CTNNAL1: variants seen among roughly 807,000 people sequenced by gnomAD.
CTNNAL1 encodes alpha-catulin.
CTNNAL1 carries 69 observed loss-of-function variants against 93.6 expected under a neutral mutation model. The ratio of observed to expected loss-of-function variants is 0.74; its 90% confidence interval spans 0.61 to 0.90. CTNNAL1 has a LOEUF of 0.90. CTNNAL1 is among the 40% of genes least tolerant of loss of function. CTNNAL1 has a pLI of 0.00. For missense variants in CTNNAL1, 836 were observed against 862.0 expected (o/e 0.97, Z 0.38); for synonymous variants, 286 against 305.4 (o/e 0.94, Z 0.66).
At chr9:109,010,158 G>A (rs1460565450) in intron 1 of CTNNAL1, among the ~76,000 whole-genome samples, 2 of 152,168 alleles carry the variant, frequency 1.3e-5, no homozygotes, top group Admixed American at 6.5e-5. Context: ...CTGAATAGCT[G>A]AGACTAGAGT....
chr9:108,972,865 A>ATG, intron 8 of CTNNAL1, 32 bp from the exon 9 acceptor site: 13 of 219,276 alleles, frequency 5.9e-5, no homozygotes, highest in Non-Finnish European at 7.4e-5. Flanking sequence ...GGGGGGTGGG[A>ATG]GGGTGGAGAA....
At chr9:108,943,151 G>T in intron 17 of CTNNAL1, 107 bp from the exon 18 acceptor site, 1 of 1,043,610 alleles carries the variant, frequency 9.6e-7, no homozygotes, top group South Asian at 1.7e-5. Flanking sequence ...GGAAATCTAA[G>T]GGATCTTGAA....
intron 4 of CTNNAL1, among the ~76,000 whole-genome samples, chr9:108,989,480 T>C (rs558456781): frequency 5.9e-5 from 9 of 152,254 alleles, no homozygotes; most frequent in Admixed American, 3.3e-4. Context: ...TACAAACCAA[T>C]GCCATTATTT....
Position 108,952,374 on chromosome 9 carries a change from G to C in CTNNAL1, c.1681-11C>G. 6.2e-7 allele frequency: 1 copy of C among 1,614,154 alleles called. No individual in the cohort carries two copies. Among genetic ancestry groups the C allele is most frequent in the Admixed American group, 1.7e-5 (1 of 60,010 alleles). On this transcript the variant is annotated splice_polypyrimidine_tract_variant and intron_variant, in intron 13 of 18. Coordinates refer to ENST00000325551, the MANE Select transcript of CTNNAL1 (RefSeq NM_003798.4). ...TATCTTGGCTTGCTCCTATGAAACA[G>C]ACGTTTTAATCACAACGACTTTATC...
rs1333059558 is a variant in CTNNAL1 at position 108,983,287 on chromosome 9, G to C, written c.758C>G (p.Ser253Ter). 1 of 1,558,436 alleles carries C rather than the reference G, an allele frequency of 6.4e-7. No individual in the cohort carries two copies. Among genetic ancestry groups the C allele is most frequent in the African/African-American group, 1.4e-5 (1 of 72,246 alleles). The change falls in exon 6 of 19, where the codon TCA becomes TGA. Residue 253 changes from serine to a stop codon, truncating the protein, a stop_gained. Coordinates refer to ENST00000325551, the MANE Select transcript of CTNNAL1 (RefSeq NM_003798.4). LOFTEE classifies it high-confidence loss of function. ...TACTCCTTCTTTGTTTTTATGGGCT[G>C]ATTCGCAGTTAGGATGCCTCAGACA... ...KTCLRHPNCE[S>*]AHKNKEGVFD...
chr9:108,945,546 T>G lies in CTNNAL1; in HGVS notation c.1885-1528A>C, dbSNP rs542413526. Among the ~76,000 whole-genome samples the G allele has an allele frequency of 6.8e-4, 103 of 151,660 alleles. 3 individuals are homozygous for G. The South Asian group carries it at 0.021, about 31-fold the overall frequency. On this transcript the variant is annotated intron_variant, in intron 15 of 18. Transcript: ENST00000325551. ...GTGTGATCACAGCTCACTACAGCCT[T>G]GACCTCCCAGGCTCAAGCGATCCTC...
At chr9:108,972,649 A>G (rs747362010) in intron 9 of CTNNAL1, 26 bp downstream of exon 9, 1 of 1,585,430 alleles carries the variant, frequency 6.3e-7, no homozygotes, top group South Asian at 1.1e-5. Context: ...TTAAACTACA[A>G]TTTCTTTAGC....
intron 1 of CTNNAL1, 92 bp from the exon 2 acceptor site, chr9:108,999,348 T>C: frequency 1.6e-6 from 2 of 1,245,810 alleles, no homozygotes; most frequent in Non-Finnish European, 2.2e-6. Context: ...CCTGGCATAC[T>C]GTATAGCTCA....
intron 11 of CTNNAL1, among the ~76,000 whole-genome samples, chr9:108,956,134 G>A (rs893497818): frequency 7.9e-5 from 12 of 152,170 alleles, no homozygotes; most frequent in Non-Finnish European, 2.9e-5. Flanking sequence ...TTCACAGAGT[G>A]CTCCTTTTAC....
rs142466437 is a variant in CTNNAL1, at chr9:108,979,399, C to T, written c.983G>A (p.Arg328His). 290 of 1,614,092 alleles carry T rather than the reference C, an allele frequency of 1.8e-4. No homozygotes were observed. The East Asian group carries it at 3.1e-3, about 17-fold the overall frequency. The change falls in exon 7 of 19, where the codon CGT becomes CAT. Residue 328 changes from arginine to histidine, a missense_variant. Arg to His is a conservative substitution (Grantham distance 29). Coordinates refer to ENST00000325551, the MANE Select transcript of CTNNAL1 (RefSeq NM_003798.4). ...GGCAGAATCAGTAAAGTCCTCCATACGCTCCAAGATGACTTCCAATGTCAC... is the reference window on the plus strand; with the variant it reads ...GGCAGAATCAGTAAAGTCCTCCATATGCTCCAAGATGACTTCCAATGTCAC... ...LSVTLEVILERMEDFTDSAYT... is the reference protein window; with the variant it reads ...LSVTLEVILEHMEDFTDSAYT...
At chr9:108,961,736 A>T (rs537369629) in intron 11 of CTNNAL1, among the ~76,000 whole-genome samples, 1 of 152,356 alleles carries the variant, frequency 6.6e-6, no homozygotes, top group South Asian at 2.1e-4. Flanking sequence ...ATCCATTGAA[A>T]TAAAGAAACA....
At chr9:109,012,204 T>C (rs185755776) in intron 1 of CTNNAL1, among the ~76,000 whole-genome samples, 1 of 151,102 alleles carries the variant, frequency 6.6e-6, no homozygotes, top group African/African-American at 2.5e-5. Flanking sequence ...TTTTCAAATA[T>C]GCGCAGGGCT....
In CTNNAL1 at chr9:108,958,047, T is replaced by C. The variant is rs867512659; in HGVS notation, c.1592-2220A>G. On this transcript the variant is annotated intron_variant, in intron 11 of 18. Coordinates refer to ENST00000325551, the MANE Select transcript of CTNNAL1 (RefSeq NM_003798.4). ...TTTTGTTTTGTTTCAGCCTGGGTGA[T>C]AGAGCAAGACTGTCTCAAAAAAAAA... Among the ~76,000 whole-genome samples, 33 of 80,296 alleles carry C rather than the reference T, an allele frequency of 4.1e-4. No homozygotes were observed. The Middle Eastern group carries it at 0.042, about 101-fold the overall frequency. 52.7% of individuals were successfully genotyped at this position (80,296 alleles called of 152,430 possible).
intron 1 of CTNNAL1, among the ~76,000 whole-genome samples, chr9:109,004,432 T>A (rs894376347): frequency 6.6e-6 from 1 of 152,210 alleles, no homozygotes; most frequent in South Asian, 2.1e-4. Flanking sequence ...CCAGATATTC[T>A]GACTGCAGAG....
At chr9:108,984,232 A>C in intron 5 of CTNNAL1, 115 bp downstream of exon 5, 1 of 643,756 alleles carries the variant, frequency 1.6e-6, no homozygotes, top group South Asian at 2.0e-5. Flanking sequence ...ATTCAGGCCT[A>C]TGTTCTAAGT....
intron 11 of CTNNAL1, among the ~76,000 whole-genome samples, chr9:108,963,756 G>A (rs1830879933): frequency 6.6e-6 from 1 of 152,214 alleles, no homozygotes; most frequent in African/African-American, 2.4e-5. Flanking sequence ...GGCCTTTAAA[G>A]AGAGCCAGCC....
At chr9:108,984,224 T>C in intron 5 of CTNNAL1, 123 bp downstream of exon 5, 1 of 607,994 alleles carries the variant, frequency 1.6e-6, no homozygotes, top group Non-Finnish European at 2.9e-6. Context: ...ATTTAACTAT[T>C]CAGGCCTATG....
intron 2 of CTNNAL1, among the ~76,000 whole-genome samples, chr9:108,995,190 GA>G (rs1349254500): frequency 3.3e-5 from 5 of 152,202 alleles, no homozygotes; most frequent in Non-Finnish European, 7.3e-5. Context: ...GCAAAGAACA[GA>G]GAACAAAAGT....
At chr9:108,989,002 G>C (rs1831700076) in intron 4 of CTNNAL1, among the ~76,000 whole-genome samples, 1 of 152,144 alleles carries the variant, frequency 6.6e-6, no homozygotes. Flanking sequence ...ATGATAAAAA[G>C]GCTGCCAGTA....
Sources: gnomAD v4.1 joint callset for allele counts (sites outside exome capture counted in the v4.1 genomes callset) on GRCh38, gnomAD v4.1.1 for gene constraint, MANE v1.5 for transcripts, NCBI Gene and HGNC (gene_info 2026-07-23, HGNC 2026-07-21) for gene names.